CLNK: variants seen among roughly 807,000 people sequenced by gnomAD.
CLNK encodes cytokine-dependent hematopoietic cell linker.
A neutral mutation model predicts 68.6 loss-of-function variants in CLNK; 74 were observed. That is an observed-to-expected ratio of 1.08 (90% CI 0.89 to 1.31). The LOEUF (loss-of-function observed/expected upper bound fraction) is 1.31, where lower values mean the gene tolerates loss of function less well. Ranked by LOEUF, CLNK falls within the 50% of genes most tolerant of loss-of-function variation. The pLI is 0.00. For synonymous variants in CLNK, 198 were observed against 172.2 expected, an observed-to-expected ratio of 1.15 and a Z score of -1.17; for missense variants, 553 against 515.3, an observed-to-expected ratio of 1.07 and a Z score of -0.71.
the CLNK span, among the ~76,000 whole-genome samples, chr4:10,701,428 C>T: frequency 6.6e-6 from 1 of 152,188 alleles, no homozygotes. Flanking sequence ...TGCAAACCTT[C>T]ACTGAATTCC....
At chr4:10,534,134 C>T (rs1718653667) in intron 11 of CLNK, among the ~76,000 whole-genome samples, 1 of 152,084 alleles carries the variant, frequency 6.6e-6, no homozygotes, top group South Asian at 2.1e-4. Flanking sequence ...ATAAAATCAC[C>T]TGATTTATAA....
At chr4:10,514,226 T>C (rs1415163859) in intron 15 of CLNK, among the ~76,000 whole-genome samples, 10 of 145,174 alleles carry the variant, frequency 6.9e-5, no homozygotes, top group African/African-American at 2.5e-4. Context: ...CCATGGTGTA[T>C]ATGTGCCACA....
rs149542803 is a variant in CLNK, at chr4:10,532,433, A to G, written c.603-150T>C. ...GAGATATTTATCACTCTTCCATAAAACTAAAGCCAGGTTATTTTTCTCATA... is the reference window on the plus strand; with the variant it reads ...GAGATATTTATCACTCTTCCATAAAGCTAAAGCCAGGTTATTTTTCTCATA... On this transcript the variant is annotated intron_variant, in intron 11 of 18. Coordinates refer to ENST00000226951, the MANE Select transcript of CLNK (RefSeq NM_052964.4). 7.3e-4 allele frequency: 469 copies of G among 641,288 alleles called. 4 individuals carry two copies. In the African/African-American group the frequency reaches 7.9e-3, roughly 11 times the overall value. The allele number at this position is 641,288 out of a possible 1,614,324, so 39.7% of individuals were successfully genotyped here. A position where few individuals can be genotyped will look rare whatever the true frequency, so the allele number is the denominator to read the frequency against.
At chr4:10,642,903 G>A (rs1401019476) in intron 2 of CLNK, among the ~76,000 whole-genome samples, 1 of 152,174 alleles carries the variant, frequency 6.6e-6, no homozygotes, top group East Asian at 1.9e-4. Context: ...AAAGCCATAA[G>A]TCGCCATTTT....
intron 8 of CLNK, among the ~76,000 whole-genome samples, chr4:10,546,257 G>A (rs1240571951): frequency 6.6e-6 from 1 of 152,100 alleles, no homozygotes; most frequent in Non-Finnish European, 1.5e-5. Flanking sequence ...TAAAAATTCT[G>A]TAAATTATTT....
the CLNK span, among the ~76,000 whole-genome samples, chr4:10,692,263 T>C: frequency 1.3e-5 from 2 of 152,188 alleles, no homozygotes; most frequent in Non-Finnish European, 2.9e-5. Context: ...TTCCAAGTCG[T>C]GCCTGGATCC....
intron 2 of CLNK, among the ~76,000 whole-genome samples, chr4:10,631,978 C>T (rs989468363): frequency 3.9e-5 from 6 of 152,140 alleles, no homozygotes; most frequent in Non-Finnish European, 7.3e-5. Flanking sequence ...GTGCGCATTA[C>T]CTGATTTACA....
chr4:10,536,877 T>G (rs758332), intron 11 of CLNK, among the ~76,000 whole-genome samples: 150,790 of 152,024 alleles, frequency 0.99, 74,797 homozygotes, highest in Non-Finnish European at 1. Flanking sequence ...CCAATAGACC[T>G]GTGTGGTTTG....
chr4:10,713,466 T>C, the CLNK span, among the ~76,000 whole-genome samples: 584 of 152,002 alleles, frequency 3.8e-3, 7 homozygotes, highest in African/African-American at 0.014. Flanking sequence ...GTGGAGGAGA[T>C]AGAGGAAGGT....
At chr4:10,643,047 A>C (rs1181877668) in intron 2 of CLNK, among the ~76,000 whole-genome samples, 1 of 152,206 alleles carries the variant, frequency 6.6e-6, no homozygotes, top group African/African-American at 2.4e-5. Flanking sequence ...CATGATACTT[A>C]AAACCGTGCG....
rs1206954205 is a variant in CLNK at position 10,542,028 on chromosome 4, G to A, written c.485C>T (p.Pro162Leu). The change falls in exon 10 of 19, where the codon CCT (proline) becomes CTT (leucine). Residue 162 changes from proline to leucine, a missense_variant. Pro to Leu is a moderately conservative substitution (Grantham distance 98). Coordinates refer to ENST00000226951, the MANE Select transcript of CLNK (RefSeq NM_052964.4). ...CTATTTTAAAGTGTTTTACCGAGGA[G>A]GTGGTAAAGGAATCTGAAAAAGAAA... ...SVRKNKIPLP[P>L]PRPLITLPKK... 1.9e-6 allele frequency: 3 copies of A among 1,589,618 alleles called. No homozygotes were observed. The Admixed American group carries it at 5.3e-5, about 28-fold the overall frequency.
At chr4:10,517,796 A>G (rs1356514792) in intron 15 of CLNK, among the ~76,000 whole-genome samples, 1 of 152,194 alleles carries the variant, frequency 6.6e-6, no homozygotes, top group Non-Finnish European at 1.5e-5. Flanking sequence ...GAGCATTTGG[A>G]AACAGCTATG....
chr4:10,682,912 T>C (rs966623200), intron 1 of CLNK, among the ~76,000 whole-genome samples: 3 of 152,208 alleles, frequency 2.0e-5, no homozygotes, highest in Non-Finnish European at 4.4e-5. Flanking sequence ...TGTAAACTTA[T>C]GTGTATTAAT....
At chr4:10,664,711 G>A (rs1053432339) in intron 2 of CLNK, among the ~76,000 whole-genome samples, 6 of 152,208 alleles carry the variant, frequency 3.9e-5, no homozygotes, top group Non-Finnish European at 8.8e-5. Flanking sequence ...AAGCTCCCTG[G>A]TGATGCTGAC....
At chr4:10,541,020 G>A (rs148506320) in intron 10 of CLNK, among the ~76,000 whole-genome samples, 6,100 of 151,966 alleles carry the variant, frequency 0.04, 311 homozygotes, top group East Asian at 0.13. Flanking sequence ...TTCAAGACCA[G>A]CCTGGCCAAC....
At chr4:10,531,555 G>A (rs1718539077) in intron 12 of CLNK, 1 of 305,702 alleles carries the variant, frequency 3.3e-6, no homozygotes, top group Admixed American at 4.3e-5. Context: ...TCCTTCCTCA[G>A]CCTCCCGAGT....
At chr4:10,586,045 C>A (rs999825866) in intron 3 of CLNK, among the ~76,000 whole-genome samples, 1 of 152,104 alleles carries the variant, frequency 6.6e-6, no homozygotes, top group African/African-American at 2.4e-5. Context: ...CACTCTCATG[C>A]ACGGTTCACG....
chr4:10,517,954 A>G (rs143782806), intron 15 of CLNK, among the ~76,000 whole-genome samples: 6 of 152,310 alleles, frequency 3.9e-5, no homozygotes, highest in Non-Finnish European at 5.9e-5. Flanking sequence ...GTAACTCACT[A>G]TAAGTATTTA....
Position 10,489,317 on chromosome 4 carries a change from A to C in CLNK, c.*1150T>G, listed in dbSNP as rs1198061904. 6.6e-6 allele frequency: 1 copy of C among 152,196 alleles called. No individual in the cohort carries two copies. Among genetic ancestry groups the C allele is most frequent in the African/African-American group, 2.4e-5 (1 of 41,448 alleles). The allele number at this position is 152,196 out of a possible 1,614,324, so 9.4% of individuals were successfully genotyped here. ...ATGGCCTGTGCAACGTTACTGCAAG[A>C]ATTAGCACTAATTTGAGGACAGTTT... is the stretch of plus-strand genomic sequence containing the variant. On this transcript the variant is annotated 3_prime_UTR_variant, in exon 19 of 19. Transcript: ENST00000226951.
Sources: gnomAD v4.1 joint callset for allele counts (sites outside exome capture counted in the v4.1 genomes callset) on GRCh38, gnomAD v4.1.1 for gene constraint, MANE v1.5 for transcripts, NCBI Gene and HGNC (gene_info 2026-07-23, HGNC 2026-07-21) for gene names.